The following FBLN7 variants were observed in gnomAD, a reference collection of about 807,000 sequenced individuals.
FBLN7 encodes fibulin-7.
FBLN7 carries 31 observed loss-of-function variants against 44.0 expected under a neutral mutation model. The observed-to-expected ratio is 0.70, with a 90% CI of 0.53 to 0.95. The LOEUF (loss-of-function observed/expected upper bound fraction) is 0.95, where lower values mean the gene tolerates loss of function less well. Among genes scored for constraint, FBLN7 ranks in the 40% least tolerant of loss-of-function variants. The probability of loss-of-function intolerance (pLI) is 0.00; values close to 1 mark genes in which losing one functional copy is unlikely to be tolerated. For missense variants in FBLN7, 573 were observed against 618.5 expected (o/e 0.93, Z 0.78); for synonymous variants, 262 against 253.4 (o/e 1.03, Z -0.32).
chr2:112,187,382 T>C lies in FBLN7; in HGVS notation c.1196T>C (p.Val399Ala). 1 of 1,614,168 alleles carries C rather than the reference T, an allele frequency of 6.2e-7. No homozygotes were observed. Among genetic ancestry groups the C allele is most frequent in the Non-Finnish European group, 8.5e-7 (1 of 1,180,018 alleles). Residue 399 changes from valine (V) to alanine (A), a missense_variant, in exon 8 of 8, where the codon GTG (valine) becomes GCG (alanine). Physicochemically the swap from Val to Ala is moderately conservative, Grantham distance 64. Transcript: ENST00000331203. The surrounding 1 kb of genome is among the most constrained non-coding windows in gnomAD (Gnocchi z 5.1). ...SDRQTGDLILVQNLEGPQTLE... is the reference protein window; with the variant it reads ...SDRQTGDLILAQNLEGPQTLE... ...CGGCAGACTGGGGATCTGATCCTTG[T>C]GCAGAACCTGGAGGGGCCTCAGACG... is the stretch of plus-strand genomic sequence containing the variant.
chr2:112,171,228 T>C (rs917218268), intron 3 of FBLN7, among the ~76,000 whole-genome samples: 7 of 152,078 alleles, frequency 4.6e-5, no homozygotes, highest in African/African-American at 1.7e-4. Flanking sequence ...AAGATAGTAC[T>C]GAAATCCATA....
At chr2:112,163,743 C>G (rs960054892) in intron 2 of FBLN7, among the ~76,000 whole-genome samples, 4 of 147,924 alleles carry the variant, frequency 2.7e-5, no homozygotes, top group African/African-American at 1.0e-4. Context: ...GAGGCCCGGT[C>G]TCACACGGAG....
chr2:112,231,961 TAAGG>T, the FBLN7 span: 1 of 1,392,148 alleles, frequency 7.2e-7, no homozygotes. Context: ...ACCCAAGTGT[TAAGG>T]AAGAGAACAA....
chr2:112,162,642 C>T (rs4849047), intron 2 of FBLN7, among the ~76,000 whole-genome samples: 86,487 of 151,994 alleles, frequency 0.57, 25,400 homozygotes, highest in Middle Eastern at 0.76. Context: ...GGACACGTTC[C>T]CCTTCTGTCA....
chr2:112,169,283 C>T (rs903906933), intron 3 of FBLN7, among the ~76,000 whole-genome samples: 1 of 151,974 alleles, frequency 6.6e-6, no homozygotes, highest in East Asian at 1.9e-4. Context: ...GGGAGAAAAA[C>T]AAACAAACAA....
chr2:112,186,413 G>C (rs1174568558), intron 7 of FBLN7, among the ~76,000 whole-genome samples: 1 of 152,164 alleles, frequency 6.6e-6, no homozygotes, highest in Non-Finnish European at 1.5e-5. Flanking sequence ...GCCGAGGAGG[G>C]CGGATCCCTT....
At chr2:112,204,208 G>A in the FBLN7 span, among the ~76,000 whole-genome samples, 1 of 151,426 alleles carries the variant, frequency 6.6e-6, no homozygotes, top group African/African-American at 2.4e-5. Flanking sequence ...GAGACAATTT[G>A]AGCAGGCAGA....
the FBLN7 span, among the ~76,000 whole-genome samples, chr2:112,234,618 C>T: frequency 2.0e-5 from 3 of 152,000 alleles, no homozygotes; most frequent in Non-Finnish European, 2.9e-5. Flanking sequence ...CTGGCCAACA[C>T]AGTGAAACCT....
At chr2:112,157,901 TC>T (rs1681517609) in intron 1 of FBLN7, among the ~76,000 whole-genome samples, 1 of 138,750 alleles carries the variant, frequency 7.2e-6, no homozygotes, top group Non-Finnish European at 1.5e-5. Context: ...GTTCTTTGGT[TC>T]TTTTTTTTTT....
chr2:112,184,249 A>G (rs1189413200), intron 6 of FBLN7, among the ~76,000 whole-genome samples: 2 of 152,196 alleles, frequency 1.3e-5, no homozygotes, highest in African/African-American at 4.8e-5. Context: ...TCCAGATAAC[A>G]GCTCTGACCC....
the FBLN7 span, among the ~76,000 whole-genome samples, chr2:112,198,997 G>A: frequency 6.6e-6 from 1 of 152,150 alleles, no homozygotes; most frequent in African/African-American, 2.4e-5. Context: ...AGCAAGTGAA[G>A]GACTATGTGG....
the FBLN7 span, among the ~76,000 whole-genome samples, chr2:112,203,084 C>T: frequency 6.6e-6 from 1 of 152,168 alleles, no homozygotes; most frequent in Non-Finnish European, 1.5e-5. Context: ...GAAATATCTA[C>T]AGGGGGCTTT....
At chr2:112,216,682 G>C in the FBLN7 span, among the ~76,000 whole-genome samples, 1 of 85,050 alleles carries the variant, frequency 1.2e-5, no homozygotes, top group African/African-American at 5.3e-5. Context: ...TAGAACTGAA[G>C]CAAAAAAAAA....
the FBLN7 span, among the ~76,000 whole-genome samples, chr2:112,201,881 C>T: frequency 6.6e-6 from 1 of 152,188 alleles, no homozygotes; most frequent in African/African-American, 2.4e-5. Flanking sequence ...GGCTTACAGT[C>T]TGTGGGCATA....
chr2:112,187,423 G>A lies in FBLN7; in HGVS notation c.1237G>A (p.Asp413Asn), dbSNP rs368513842. ...GCCTCAGACGCTGGAGGTGGACGTCGACATGTCGGAATACCTGGACCGCTC... is the reference window on the plus strand; with the variant it reads ...GCCTCAGACGCTGGAGGTGGACGTCAACATGTCGGAATACCTGGACCGCTC... ...EGPQTLEVDV[D>N]MSEYLDRSFQ... The change falls in exon 8 of 8, where the codon GAC becomes AAC. Residue 413 changes from aspartate to asparagine, a missense_variant. Asp to Asn is a conservative substitution (Grantham distance 23). Transcript: ENST00000331203. The surrounding 1 kb of genome is among the most constrained non-coding windows in gnomAD (Gnocchi z 5.1). 2.6e-5 allele frequency: 42 copies of A among 1,614,010 alleles called. No individual in the cohort carries two copies. Among genetic ancestry groups the A allele is most frequent in the African/African-American group, 4.0e-5 (3 of 74,918 alleles).
Position 112,138,575 on chromosome 2 carries a change from G to C in FBLN7, c.-81G>C. On this transcript the variant is annotated 5_prime_UTR_variant, in exon 1 of 8. Coordinates refer to ENST00000331203, the MANE Select transcript of FBLN7 (RefSeq NM_153214.3). ...GCGGCGCCCCGCACCCTGCAGGGACGGCTGCCGCATCGCTGGGACAAACTC... is the reference window on the plus strand; with the variant it reads ...GCGGCGCCCCGCACCCTGCAGGGACCGCTGCCGCATCGCTGGGACAAACTC... The C allele has an allele frequency of 8.5e-6, 13 of 1,526,420 alleles. No homozygotes were observed. The highest frequency in any genetic ancestry group is 1.7e-5 in the Admixed American group (1 of 57,152). 94.6% of individuals were successfully genotyped at this position (1,526,420 alleles called of 1,614,324 possible).
At chr2:112,199,241 C>T in the FBLN7 span, among the ~76,000 whole-genome samples, 1 of 152,176 alleles carries the variant, frequency 6.6e-6, no homozygotes, top group African/African-American at 2.4e-5. Flanking sequence ...ATGCAACTCT[C>T]CCTCTTTGCA....
chr2:112,173,498 G>C (rs1162927896), intron 3 of FBLN7, among the ~76,000 whole-genome samples: 1 of 151,494 alleles, frequency 6.6e-6, no homozygotes, highest in Admixed American at 6.6e-5. Flanking sequence ...ATAGAACCCA[G>C]GAAGGAATTA....
At chr2:112,169,213 C>T (rs148647599) in intron 3 of FBLN7, among the ~76,000 whole-genome samples, 6,915 of 152,216 alleles carry the variant, frequency 0.045, 264 homozygotes, top group African/African-American at 0.11. Flanking sequence ...GCAGAAGTTG[C>T]AGTGAGCCGA....
Sources: allele counts gnomAD v4.1 joint callset (sites outside exome capture counted in the v4.1 genomes callset), GRCh38; gene constraint gnomAD v4.1.1; non-coding constraint Gnocchi (gnomAD v3.1); transcripts MANE v1.5; gene names NCBI Gene and HGNC (gene_info 2026-07-23, HGNC 2026-07-21).